RGPD4: variants seen among roughly 807,000 people sequenced by gnomAD.
The protein encoded by RGPD4 is ranBP2-like and GRIP domain-containing protein 4.
Under a neutral mutation model 141.1 loss-of-function variants are expected in RGPD4, and 84 were observed. The observed-to-expected ratio is 0.60, with a 90% CI of 0.50 to 0.71. The LOEUF is 0.71. Ranked by LOEUF, RGPD4 falls within the 30% of genes least tolerant of loss-of-function variation. RGPD4 has a pLI of 0.00. For missense variants in RGPD4, 918 were observed against 1,622.4 expected (o/e 0.57, Z 7.46); for synonymous variants, 298 against 566.8 (o/e 0.53, Z 6.74).
At position 107,832,168 on chromosome 2, in the gene RGPD4, G is replaced by A. The variant is rs940600800; in HGVS notation, c.73-4434G>A. ...TGTGGTCAAACTGATCACATAATCC[G>A]TTCAATTTCAGCTTAAAACATTGAT... On this transcript the variant is annotated intron_variant, in intron 1 of 22. Coordinates refer to ENST00000408999, the MANE Select transcript of RGPD4 (RefSeq NM_182588.3). Among the ~76,000 whole-genome samples, 23 of 151,754 alleles carry A rather than the reference G, an allele frequency of 1.5e-4. No homozygotes were observed. The South Asian group carries it at 2.5e-3, about 16-fold the overall frequency.
rs1682895227 is a variant in RGPD4, at chr2:107,871,125, G to A, written c.3121G>A (p.Val1041Ile). 13 of 1,610,782 alleles carry A rather than the reference G, an allele frequency of 8.1e-6. No individual in the cohort carries two copies. The East Asian group carries it at 2.7e-4, about 33-fold the overall frequency. Reference protein sequence around the residue: ...EDSDDIHFEPVVQMPEKVELV... With the variant: ...EDSDDIHFEPIVQMPEKVELV... Reference sequence around the variant, plus strand: ...CAGCGATGACATCCATTTTGAACCAGTAGTTCAAATGCCTGAAAAAGTAGA... The same window carrying A: ...CAGCGATGACATCCATTTTGAACCAATAGTTCAAATGCCTGAAAAAGTAGA... The change falls in exon 20 of 23, where the codon GTA (valine) becomes ATA (isoleucine). Residue 1041 changes from valine to isoleucine, a missense_variant. By Grantham distance (29) the Val-to-Ile change is conservative. Coordinates refer to ENST00000408999, the MANE Select transcript of RGPD4 (RefSeq NM_182588.3).
chr2:107,862,291 C>CTGAAAATTTCTGT (rs1483165044), intron 15 of RGPD4, among the ~76,000 whole-genome samples: 1 of 132,544 alleles, frequency 7.5e-6, no homozygotes, highest in Non-Finnish European at 1.6e-5. Context: ...ATTTCTGTCA[C>CTGAAAATTTCTGT]CATTGAAAAT....
intron 20 of RGPD4, among the ~76,000 whole-genome samples, chr2:107,874,163 A>G (rs1448718900): frequency 2.0e-5 from 3 of 151,216 alleles, no homozygotes; most frequent in Admixed American, 2.0e-4. Flanking sequence ...TCTAATGTTT[A>G]TGTTTAGCCA....
In RGPD4 at chr2:107,882,673, T is replaced by C; in HGVS notation, c.5066T>C (p.Leu1689Pro). 1 of 1,611,138 alleles carries C rather than the reference T, an allele frequency of 6.2e-7. No homozygotes were observed. Among genetic ancestry groups the C allele is most frequent in the South Asian group, 1.1e-5 (1 of 90,956 alleles). ...TSAVLMEQIKLLKSEIRRLER... is the reference protein window; with the variant it reads ...TSAVLMEQIKPLKSEIRRLER... ...TTTAACTCATTTCTCTAACACCAGC[T>C]TCTCAAAAGTGAAATAAGAAGATTG... The change falls in exon 22 of 23, where the codon CTT becomes CCT. Residue 1689 changes from leucine to proline, a missense_variant and splice_region_variant. Leu to Pro is a moderately conservative substitution (Grantham distance 98). Coordinates refer to ENST00000408999, the MANE Select transcript of RGPD4 (RefSeq NM_182588.3).
chr2:107,827,042 G>C lies in RGPD4; in HGVS notation c.29G>C (p.Arg10Pro), dbSNP rs751535420. ...AGTTGCAGCAAGGCCTACGGGGAGC[G>C]GTACGTCGCCTCCGTGCAGGGCTCC... is the stretch of plus-strand genomic sequence containing the variant. MSCSKAYGERYVASVQGSAP... is the reference protein window; with the variant it reads MSCSKAYGEPYVASVQGSAP... Residue 10 changes from arginine to proline, a missense_variant, in exon 1 of 23, where the codon CGG becomes CCG. By Grantham distance (103) the Arg-to-Pro change is moderately radical (BLOSUM62 -2). Transcript: ENST00000408999. 3.9e-5 allele frequency: 63 copies of C among 1,599,068 alleles called. No individual in the cohort carries two copies. The highest frequency in any genetic ancestry group is 2.9e-4 in the African/African-American group (22 of 74,632).
intron 22 of RGPD4, among the ~76,000 whole-genome samples, chr2:107,888,403 G>A (rs1173772729): frequency 6.6e-6 from 1 of 151,650 alleles, no homozygotes; most frequent in Admixed American, 6.6e-5. Flanking sequence ...AATGTTTACA[G>A]TCATCTGGTT....
In RGPD4 at chr2:107,891,296, G is replaced by A. The variant is rs566469645; in HGVS notation, c.*565G>A. 7.7e-3 allele frequency among the ~76,000 whole-genome samples: 999 copies of A among 129,628 alleles called. 15 individuals carry two copies. Among genetic ancestry groups the A allele is most frequent in the African/African-American group, 0.03 (938 of 30,802 alleles). 85.0% of individuals were successfully genotyped at this position (129,628 alleles called of 152,430 possible). A position where few individuals can be genotyped will look rare whatever the true frequency, so the allele number is the denominator to read the frequency against. ...CACTCCAGCTCGGGGAACAGAGCGA[G>A]ACCTTGTCTCTAAAAATAATAATAG... On this transcript the variant is annotated 3_prime_UTR_variant, in exon 23 of 23. Transcript: ENST00000408999.
chr2:107,886,070 A>G (rs865865438), intron 22 of RGPD4, among the ~76,000 whole-genome samples: 6 of 137,810 alleles, frequency 4.4e-5, no homozygotes, highest in African/African-American at 8.1e-5. Context: ...AAAAAAAAAA[A>G]GTAAACTACA....
intron 1 of RGPD4, among the ~76,000 whole-genome samples, chr2:107,834,028 G>A (rs1198125363): frequency 6.6e-6 from 1 of 150,866 alleles, no homozygotes. Context: ...AGGAAGGGGG[G>A]AACAAGCCTT....
chr2:107,890,576 A>ATAC (rs1675628273), intron 22 of RGPD4, 145 bp from the exon 23 acceptor site: 2 of 88,404 alleles, frequency 2.3e-5, no homozygotes, highest in Non-Finnish European at 4.3e-5. Flanking sequence ...AAAAAAAAGA[A>ATAC]CCCCCCCCCC....
chr2:107,877,148 T>G (rs911562725), intron 20 of RGPD4, among the ~76,000 whole-genome samples: 2 of 151,414 alleles, frequency 1.3e-5, no homozygotes, highest in Non-Finnish European at 1.5e-5. Flanking sequence ...CCAAGGCGGG[T>G]GGATCACATG....
Position 107,882,786 on chromosome 2 carries a change from A to G in RGPD4, c.5179A>G (p.Ser1727Gly). ...GCAGTTCATTTTCTTGAAGCCAGGT[A>G]GTGAAAGAGAGAGACTTCTTCCTGT... ...LLQFIFLKPGSERERLLPVIN... is the reference protein window; with the variant it reads ...LLQFIFLKPGGERERLLPVIN... Residue 1727 changes from serine to glycine, a missense_variant, in exon 22 of 23, where the codon AGT (serine) becomes GGT (glycine). Transcript: ENST00000408999. 2 of 1,611,410 alleles carry G rather than the reference A, an allele frequency of 1.2e-6. No individual in the cohort carries two copies. Among genetic ancestry groups the G allele is most frequent in the African/African-American group, 1.3e-5 (1 of 74,458 alleles).
At chr2:107,883,206 A>G (rs1019588277) in intron 22 of RGPD4, 1 of 506,050 alleles carries the variant, frequency 2.0e-6, no homozygotes, top group East Asian at 4.7e-5. Context: ...AAAAACATTT[A>G]TTAGCTTGTT....
chr2:107,858,492 A>G (rs832377), intron 9 of RGPD4, among the ~76,000 whole-genome samples: 104,227 of 143,426 alleles, frequency 0.73, 37,152 homozygotes, highest in Middle Eastern at 0.8. Context: ...AGGCTGGAGC[A>G]CAGTGGCGCA....
Position 107,872,658 on chromosome 2 carries a change from A to G in RGPD4, c.4654A>G (p.Ser1552Gly), listed in dbSNP as rs1323531237. Residue 1552 changes from serine (S) to glycine (G), a missense_variant, in exon 20 of 23, where the codon AGT (serine) becomes GGT (glycine). Transcript: ENST00000408999. ...GSESVKRIFS[S>G]EKSKPFAFGN... ...AGAGTCTGTTAAAAGAATTTTTAGT[A>G]GTGAAAAATCAAAACCATTTGCATT... 1.9e-6 allele frequency: 3 copies of G among 1,610,546 alleles called. No homozygotes were observed. The highest frequency in any genetic ancestry group is 2.5e-6 in the Non-Finnish European group (3 of 1,179,734).
chr2:107,840,772 C>T (rs1238772194), intron 4 of RGPD4, among the ~76,000 whole-genome samples: 1 of 71,032 alleles, frequency 1.4e-5, no homozygotes, highest in East Asian at 2.3e-4. Context: ...TTTTTTGAGA[C>T]AGAGTCTTGC....
intron 2 of RGPD4, among the ~76,000 whole-genome samples, chr2:107,837,017 A>G (rs1170573327): frequency 1.4e-5 from 2 of 138,822 alleles, no homozygotes; most frequent in East Asian, 3.9e-4. Context: ...GAAAATAGCA[A>G]TGAATAAAAA....
At chr2:107,829,083 G>C (rs867048654) in intron 1 of RGPD4, among the ~76,000 whole-genome samples, 2 of 11,624 alleles carry the variant, frequency 1.7e-4, no homozygotes, top group African/African-American at 4.8e-4. Flanking sequence ...CTGTTGAGGC[G>C]GCGGCCTCGA....
Position 107,871,289 on chromosome 2 carries a change from A to G in RGPD4, c.3285A>G (p.Lys1095=). Residue 1095 remains lysine (K), a synonymous_variant, in exon 20 of 23, where the codon AAA becomes AAG. Coordinates refer to ENST00000408999, the MANE Select transcript of RGPD4 (RefSeq NM_182588.3). ...TTCTCAAAAACGAGGTCAATGGCAA[A>G]CCAAGAATGCTGATGCGAAGAGAAC... is the stretch of plus-strand genomic sequence containing the variant. ...LKILKNEVNG[K]PRMLMRREQV... is the part of the protein sequence containing the mutation. 1 of 1,607,170 alleles carries G rather than the reference A, an allele frequency of 6.2e-7. No individual in the cohort carries two copies. The highest frequency in any genetic ancestry group is 8.5e-7 in the Non-Finnish European group (1 of 1,179,268).
Sources: allele counts gnomAD v4.1 joint callset (sites outside exome capture counted in the v4.1 genomes callset), GRCh38; gene constraint gnomAD v4.1.1; transcripts MANE v1.5; gene names NCBI Gene and HGNC (gene_info 2026-07-23, HGNC 2026-07-21).